APPBP2: variants seen among roughly 807,000 people sequenced by gnomAD.
APPBP2 encodes the protein amyloid protein-binding protein 2.
Under a neutral mutation model 76.0 loss-of-function variants are expected in APPBP2, and 15 were observed. The ratio of observed to expected loss-of-function variants is 0.20; its 90% CI spans 0.13 to 0.30. The LOEUF (loss-of-function observed/expected upper bound fraction) is 0.30, where lower values mean the gene tolerates loss of function less well. Among genes scored for constraint, APPBP2 ranks in the 10% least tolerant of loss-of-function variants. The pLI is 1.00. For missense variants in APPBP2, 401 were observed against 687.2 expected (o/e 0.58, Z 4.66); for synonymous variants, 222 against 242.2 (o/e 0.92, Z 0.77).
chr17:60,499,684 T>C (rs755347359), intron 2 of APPBP2, among the ~76,000 whole-genome samples: 6 of 152,122 alleles, frequency 3.9e-5, no homozygotes, highest in South Asian at 2.1e-4. Context: ...GACAGATGAA[T>C]AGATAAACAA....
At chr17:60,466,511 A>G in intron 4 of APPBP2, 52 bp from the exon 5 acceptor site, 1 of 1,526,318 alleles carries the variant, frequency 6.6e-7, no homozygotes, top group South Asian at 1.2e-5. Flanking sequence ...AGCTTGGTAG[A>G]CCTGATGACC....
chr17:60,481,452 A>G (rs1483535120), intron 3 of APPBP2, among the ~76,000 whole-genome samples: 1 of 152,072 alleles, frequency 6.6e-6, no homozygotes, highest in Non-Finnish European at 1.5e-5. Flanking sequence ...TTTTATGCTG[A>G]TAATTGATTT....
At chr17:60,493,633 C>CT (rs150636419) in intron 3 of APPBP2, among the ~76,000 whole-genome samples, 10,757 of 141,610 alleles carry the variant, frequency 0.076, 1,368 homozygotes, top group African/African-American at 0.27. Flanking sequence ...CATGCCCAGC[C>CT]TTTTTTTTTT....
At chr17:60,511,402 T>C (rs912935918) in intron 1 of APPBP2, among the ~76,000 whole-genome samples, 3 of 151,992 alleles carry the variant, frequency 2.0e-5, no homozygotes, top group African/African-American at 7.2e-5. Flanking sequence ...CTGGCCAACA[T>C]GGTGAAACCC....
At chr17:60,476,290 T>C (rs1323056015) in intron 4 of APPBP2, among the ~76,000 whole-genome samples, 2 of 152,230 alleles carry the variant, frequency 1.3e-5, no homozygotes, top group African/African-American at 4.8e-5. Flanking sequence ...AAATTGGCTT[T>C]GTGACATTAA....
intron 5 of APPBP2, among the ~76,000 whole-genome samples, 178 bp from the exon 6 acceptor site, chr17:60,464,288 T>C (rs1057045898): frequency 4.6e-5 from 7 of 152,250 alleles, no homozygotes; most frequent in African/African-American, 1.7e-4. Flanking sequence ...ATATTATTTT[T>C]ACTCTTAATA....
rs1223590718 is a variant in APPBP2 at position 60,461,557 on chromosome 17, TA to T, written c.936+252del. On this transcript the variant is annotated intron_variant, in intron 8 of 12. Transcript: ENST00000083182. ...AAAGACAAGCCATTACATGGGTAAA[TA>T]AAAAATGGAAAACTACTCCCACATA... The T allele has an allele frequency of 1.5e-4, 52 of 352,102 alleles. 3 individuals carry two copies. In the East Asian group the frequency reaches 2.4e-3, roughly 16 times the overall value. The allele number at this position is 352,102 out of a possible 1,614,324, so 21.8% of individuals were successfully genotyped here.
chr17:60,477,808 A>G (rs2090601500), intron 4 of APPBP2, among the ~76,000 whole-genome samples: 1 of 151,612 alleles, frequency 6.6e-6, no homozygotes, highest in African/African-American at 2.4e-5. Flanking sequence ...GCCAAAAAAA[A>G]AAAAAAAAAA....
intron 3 of APPBP2, among the ~76,000 whole-genome samples, chr17:60,489,614 A>G (rs2090709793): frequency 6.6e-6 from 1 of 151,330 alleles, no homozygotes; most frequent in South Asian, 2.1e-4. Flanking sequence ...ATGTCTCAAA[A>G]AAAAAAAAAA....
chr17:60,488,054 C>T (rs1226530584), intron 3 of APPBP2, among the ~76,000 whole-genome samples: 1 of 152,190 alleles, frequency 6.6e-6, no homozygotes, highest in Non-Finnish European at 1.5e-5. Context: ...TATTGCAGAA[C>T]AGCAAATATT....
intron 5 of APPBP2, chr17:60,465,133 G>A (rs1159744434): frequency 6.6e-6 from 1 of 151,776 alleles, no homozygotes; most frequent in African/African-American, 2.4e-5. Flanking sequence ...AAAAGTCCAA[G>A]AGCCGGCAGT....
chr17:60,456,011 C>G (rs888204097), intron 10 of APPBP2, among the ~76,000 whole-genome samples: 11 of 152,212 alleles, frequency 7.2e-5, no homozygotes, highest in Non-Finnish European at 1.0e-4. Flanking sequence ...CTTCTGACCT[C>G]AGGTGATCTG....
At chr17:60,481,660 A>C (rs778765726) in intron 3 of APPBP2, among the ~76,000 whole-genome samples, 16 of 152,220 alleles carry the variant, frequency 1.1e-4, no homozygotes, top group Non-Finnish European at 1.9e-4. Context: ...ACTCAAGGAA[A>C]ATACTACAAT....
At chr17:60,514,030 C>CATTATA (rs2090942997) in intron 1 of APPBP2, among the ~76,000 whole-genome samples, 1 of 144,558 alleles carries the variant, frequency 6.9e-6, no homozygotes, top group Non-Finnish European at 1.5e-5. Context: ...CACAGCCAGG[C>CATTATA]ATGGTGGCTC....
intron 2 of APPBP2, among the ~76,000 whole-genome samples, chr17:60,495,068 T>A (rs2090763408): frequency 6.7e-6 from 1 of 149,042 alleles, no homozygotes. Context: ...CATTGCAATC[T>A]CCACCTCCCT....
rs113871064 is a variant in APPBP2 at position 60,509,134 on chromosome 17, C to T, written c.139-8647G>A. On this transcript the variant is annotated intron_variant, in intron 1 of 12. Coordinates refer to ENST00000083182, the MANE Select transcript of APPBP2 (RefSeq NM_006380.5). ...TGGTGGCTCATGGCTGTAATCCCAG[C>T]ACTTTGGGAGGCTGAGGCAGGTGGA... Among the ~76,000 whole-genome samples the T allele has an allele frequency of 6.0e-3, 915 of 152,190 alleles. 15 individuals carry two copies. The highest frequency in any genetic ancestry group is 0.02 in the African/African-American group (832 of 41,520).
rs1014803954 is a variant in APPBP2, at chr17:60,445,614, A to G, written c.*1967T>C. On this transcript the variant is annotated 3_prime_UTR_variant, in exon 13 of 13. Transcript: ENST00000083182. ...GTATTAAATATATAGGCCCATGAGG[A>G]TAGAGCTGAGTAACTTAAAAATGTT... 2.6e-5 allele frequency: 4 copies of G among 152,418 alleles called. No individual in the cohort carries two copies. Among genetic ancestry groups the G allele is most frequent in the Admixed American group, 2.6e-4 (4 of 15,272 alleles). The allele number at this position is 152,418 out of a possible 1,614,324, so 9.4% of individuals were successfully genotyped here.
chr17:60,481,887 T>C (rs1282433078), intron 3 of APPBP2, among the ~76,000 whole-genome samples: 4 of 152,362 alleles, frequency 2.6e-5, no homozygotes, highest in Non-Finnish European at 5.9e-5. Flanking sequence ...GATAGGTTAC[T>C]ATTTCTTTTT....
intron 4 of APPBP2, among the ~76,000 whole-genome samples, chr17:60,475,873 T>A (rs755404241): frequency 6.6e-6 from 1 of 152,180 alleles, no homozygotes; most frequent in Non-Finnish European, 1.5e-5. Flanking sequence ...TCTGTTCCCT[T>A]ATCTGGAGGT....
Sources: allele counts gnomAD v4.1 joint callset (sites outside exome capture counted in the v4.1 genomes callset), GRCh38; gene constraint gnomAD v4.1.1; transcripts MANE v1.5; gene names NCBI Gene and HGNC (gene_info 2026-07-23, HGNC 2026-07-21).